Variants in MRTFA observed in about 807,000 individuals in gnomAD.
MRTFA encodes the protein myocardin related transcription factor A, also known as myocardin-related transcription factor A.
A neutral mutation model predicts 83.5 loss-of-function variants in MRTFA; 20 were observed. That is an observed-to-expected ratio of 0.24 (90% CI 0.17 to 0.35). The LOEUF (loss-of-function observed/expected upper bound fraction) is 0.35. Ranked by LOEUF, MRTFA falls within the 10% of genes least tolerant of loss-of-function variation. MRTFA has a pLI of 1.00. For synonymous variants in MRTFA, 659 were observed against 541.2 expected (o/e 1.22, Z -3.02); for missense variants, 1,200 against 1,224.7 (o/e 0.98, Z 0.30).
chr22:40,479,924 T>C (rs567370244), intron 3 of MRTFA, among the ~76,000 whole-genome samples: 32 of 152,286 alleles, frequency 2.1e-4, no homozygotes, highest in African/African-American at 4.8e-5. Flanking sequence ...CTGGTAAACC[T>C]GGGCAACTTA....
chr22:40,489,279 C>A (rs528576217), intron 3 of MRTFA, among the ~76,000 whole-genome samples: 22 of 152,012 alleles, frequency 1.4e-4, no homozygotes, highest in Middle Eastern at 3.4e-3. Context: ...AAATCTGTTT[C>A]TCTTGTGCAG....
rs193195333 is a variant in MRTFA, at chr22:40,505,041, G to A, written c.242-41755C>T. ...TTAGCCATGTTGTTTACTTTTTTTG[G>A]CCACAAAATAAAACAGAGCTCTATG... On this transcript the variant is annotated intron_variant, in intron 3 of 14. Coordinates refer to ENST00000355630, the MANE Select transcript of MRTFA (RefSeq NM_020831.6). Among the ~76,000 whole-genome samples, 46 of 151,886 alleles carry A rather than the reference G, an allele frequency of 3.0e-4. No homozygotes were observed. The South Asian group carries it at 5.0e-3, about 16-fold the overall frequency.
intron 1 of MRTFA, among the ~76,000 whole-genome samples, chr22:40,615,499 C>T (rs1307044556): frequency 6.6e-6 from 1 of 152,092 alleles, no homozygotes; most frequent in African/African-American, 2.4e-5. Context: ...CAATTTCTCC[C>T]CAAAAAGTCC....
chr22:40,587,397 C>T (rs1345005740), intron 2 of MRTFA: 3 of 367,698 alleles, frequency 8.2e-6, no homozygotes, highest in Non-Finnish European at 1.6e-5. Context: ...ATGCAGGGTC[C>T]CTTGCGCTGG....
At chr22:40,523,977 G>A (rs1346004430) in intron 3 of MRTFA, among the ~76,000 whole-genome samples, 1 of 150,938 alleles carries the variant, frequency 6.6e-6, no homozygotes, top group East Asian at 1.9e-4. Context: ...TATTTGCAAG[G>A]AAAAACAGAA....
chr22:40,465,715 C>G (rs930055871), intron 3 of MRTFA, among the ~76,000 whole-genome samples: 3 of 151,616 alleles, frequency 2.0e-5, no homozygotes, highest in African/African-American at 7.3e-5. Flanking sequence ...TGCATGACAC[C>G]ATGCCCGGTA....
chr22:40,612,260 C>CA (rs1386602988), intron 1 of MRTFA, among the ~76,000 whole-genome samples: 2 of 151,600 alleles, frequency 1.3e-5, no homozygotes, highest in African/African-American at 2.4e-5. Context: ...CAGGAGAAAC[C>CA]AAAAAAAATT....
chr22:40,592,805 T>C (rs969644777), intron 2 of MRTFA, among the ~76,000 whole-genome samples: 1 of 152,156 alleles, frequency 6.6e-6, no homozygotes, highest in Admixed American at 6.6e-5. Flanking sequence ...GTAATTTCTT[T>C]ACAAGCATAA....
intron 2 of MRTFA, among the ~76,000 whole-genome samples, chr22:40,590,272 G>C (rs1354205696): frequency 6.6e-6 from 1 of 152,150 alleles, no homozygotes; most frequent in Non-Finnish European, 1.5e-5. Context: ...AAGGGGAAAA[G>C]ACAGTTTACA....
Position 40,594,711 on chromosome 22 carries a change from C to A in MRTFA, c.-59G>T, listed in dbSNP as rs1042092921. 1 of 152,038 alleles carries A rather than the reference C, an allele frequency of 6.6e-6. No homozygotes were observed. Among genetic ancestry groups the A allele is most frequent in the African/African-American group, 2.4e-5 (1 of 41,382 alleles). The allele number at this position is 152,038 out of a possible 1,614,324, so 9.4% of individuals were successfully genotyped here. A position where few individuals can be genotyped will look rare whatever the true frequency, so the allele number is the denominator to read the frequency against. The stretch of plus-strand genomic sequence containing the variant: ...TCCCACAGACAGATGAAATTCAATT[C>A]CATGCCAACCATACCCTCCGATCAC... On this transcript the variant is annotated 5_prime_UTR_variant, in exon 2 of 15. An upstream open reading frame in the 5' UTR gains an earlier in-frame stop. Coordinates refer to ENST00000355630, the MANE Select transcript of MRTFA (RefSeq NM_020831.6).
chr22:40,548,788 T>C (rs1639753608), intron 3 of MRTFA, among the ~76,000 whole-genome samples: 1 of 151,460 alleles, frequency 6.6e-6, no homozygotes, highest in African/African-American at 2.4e-5. Flanking sequence ...TACTTGAACC[T>C]GGGAGGCGGA....
Position 40,440,458 on chromosome 22 carries a change from C to T in MRTFA, c.308-4904G>A, listed in dbSNP as rs1170823749. Among the ~76,000 whole-genome samples the T allele has an allele frequency of 2.0e-5, 3 of 152,218 alleles. No individual in the cohort carries two copies. The East Asian group carries it at 5.8e-4, about 29-fold the overall frequency. On this transcript the variant is annotated intron_variant, in intron 4 of 14. Coordinates refer to ENST00000355630, the MANE Select transcript of MRTFA (RefSeq NM_020831.6). ...CCTGAGTAGGCCAGCTTAGTCTGTG[C>T]TCCTCTTTCCTCATTTTTAATTCTT...
intron 3 of MRTFA, among the ~76,000 whole-genome samples, chr22:40,544,096 C>T (rs1204243886): frequency 1.3e-5 from 2 of 152,114 alleles, no homozygotes; most frequent in East Asian, 1.9e-4. Context: ...TTTCAATAAA[C>T]GGAATCCACT....
intron 1 of MRTFA, among the ~76,000 whole-genome samples, chr22:40,625,305 C>A (rs2056568454): frequency 6.6e-6 from 1 of 151,402 alleles, no homozygotes; most frequent in Non-Finnish European, 1.5e-5. Flanking sequence ...CAGAGTGAGA[C>A]ACCTGTCCCT....
chr22:40,474,791 T>C (rs903692561), intron 3 of MRTFA, among the ~76,000 whole-genome samples: 1 of 152,206 alleles, frequency 6.6e-6, no homozygotes, highest in Non-Finnish European at 1.5e-5. Flanking sequence ...CACTATATCT[T>C]AACTGATTTG....
At chr22:40,414,987 G>A (rs1327064771) in intron 14 of MRTFA, 1 of 151,290 alleles carries the variant, frequency 6.6e-6, no homozygotes, top group Non-Finnish European at 1.5e-5. Flanking sequence ...CTCTCACCAG[G>A]CAAGGAGGTC....
chr22:40,446,717 G>A (rs978326461), intron 4 of MRTFA, among the ~76,000 whole-genome samples: 7 of 152,306 alleles, frequency 4.6e-5, no homozygotes, highest in Middle Eastern at 3.4e-3. Flanking sequence ...TGGATTGGTG[G>A]AAGCACAAAC....
chr22:40,595,822 C>T (rs569072206), intron 1 of MRTFA, among the ~76,000 whole-genome samples: 1 of 138,920 alleles, frequency 7.2e-6, no homozygotes, highest in Non-Finnish European at 1.5e-5. Flanking sequence ...GAAAAGAGAA[C>T]AAAGACATAA....
intron 1 of MRTFA, among the ~76,000 whole-genome samples, chr22:40,622,142 C>T (rs2056529894): frequency 6.6e-6 from 1 of 152,016 alleles, no homozygotes; most frequent in Non-Finnish European, 1.5e-5. Flanking sequence ...TGAATGTTAC[C>T]TTTTACAGCA....
Sources: allele counts gnomAD v4.1 joint callset (sites outside exome capture counted in the v4.1 genomes callset), GRCh38; gene constraint gnomAD v4.1.1; transcripts MANE v1.5; gene names NCBI Gene and HGNC (gene_info 2026-07-23, HGNC 2026-07-21).